Variants in DHX16 observed in about 807,000 individuals in gnomAD.
The protein encoded by DHX16 is pre-mRNA-splicing factor ATP-dependent RNA helicase DHX16.
DHX16 carries 81 observed loss-of-function variants against 131.2 expected under a neutral mutation model. That is an observed-to-expected ratio of 0.62 (90% CI 0.52 to 0.74). The LOEUF (loss-of-function observed/expected upper bound fraction) is 0.74. DHX16 is among the 30% of genes least tolerant of loss of function. The pLI, the probability that DHX16 is intolerant of heterozygous loss-of-function variation, is 0.00. For missense variants in DHX16, 980 were observed against 1,363.1 expected (o/e 0.72, Z 4.43); for synonymous variants, 440 against 520.2 (o/e 0.85, Z 2.10).
rs778720534 is a variant in DHX16 at position 30,656,586 on chromosome 6, A to G, written c.2311+11T>C. The G allele has an allele frequency of 8.1e-6, 13 of 1,614,166 alleles. No individual in the cohort carries two copies. The highest frequency in any genetic ancestry group is 1.7e-5 in the Admixed American group (1 of 60,024). ...CCAGCCCCTCCCTCCTCTCTCAGGT[A>G]GCCCAATCACCTAAGCTCTTGAGCA... On this transcript the variant is annotated intron_variant, in intron 14 of 19. Coordinates refer to ENST00000376442, the MANE Select transcript of DHX16 (RefSeq NM_003587.5). The surrounding 1 kb of genome is among the most constrained non-coding windows in gnomAD (Gnocchi z 5.1).
chr6:30,656,138 G>C lies in DHX16; in HGVS notation c.2498+60C>G. ...AAAAAGACAGACAAAGGGGACCCTGGAGACAGAGGAGGCCTGGCCTGTTTG... is the reference window on the plus strand; with the variant it reads ...AAAAAGACAGACAAAGGGGACCCTGCAGACAGAGGAGGCCTGGCCTGTTTG... On this transcript the variant is annotated intron_variant, in intron 16 of 19. Coordinates refer to ENST00000376442, the MANE Select transcript of DHX16 (RefSeq NM_003587.5). This position sits in a 1 kb window ranked among gnomAD's most constrained non-coding sequence, Gnocchi z 5.1. The C allele has an allele frequency of 6.6e-7, 1 of 1,512,250 alleles. No individual in the cohort carries two copies. Among genetic ancestry groups the C allele is most frequent in the Non-Finnish European group, 9.1e-7 (1 of 1,093,388 alleles). 93.7% of individuals were successfully genotyped at this position (1,512,250 alleles called of 1,614,324 possible).
In DHX16 at chr6:30,655,522, C is replaced by A; in HGVS notation, c.2574G>T (p.Lys858Asn). Residue 858 changes from lysine to asparagine, a missense_variant, in exon 17 of 20, where the codon AAG becomes AAT. By Grantham distance (94) the Lys-to-Asn change is moderately conservative. This residue lies in a region of DHX16 where 214 missense variants were observed against 271.2 expected (regional missense o/e 0.79). Transcript: ENST00000376442. ...SVNNSIFYRP[K>N]DKVVHADNAR... The stretch of plus-strand genomic sequence containing the variant: ...CATTGTCAGCATGGACGACCTTGTC[C>A]TTTGGTCGGTAGAAGATGGAGTTGT... 6.2e-7 allele frequency: 1 copy of A among 1,613,078 alleles called. No homozygotes were observed. Among genetic ancestry groups the A allele is most frequent in the Non-Finnish European group, 8.5e-7 (1 of 1,180,032 alleles).
chr6:30,657,578 G>A (rs1317377314), intron 12 of DHX16, among the ~76,000 whole-genome samples: 1 of 151,946 alleles, frequency 6.6e-6, no homozygotes, highest in Non-Finnish European at 1.5e-5. Context: ...TTAAAAGCCT[G>A]GATCACCTAC....
intron 12 of DHX16, among the ~76,000 whole-genome samples, chr6:30,657,456 C>A (rs907057956): frequency 6.6e-6 from 1 of 151,954 alleles, no homozygotes; most frequent in Non-Finnish European, 1.5e-5. Flanking sequence ...GCTTCTGCTC[C>A]TAGCCTCTGT....
At chr6:30,654,486 GTTGCAGTGAGGCTAGA>G (rs1262872229) in intron 19 of DHX16, among the ~76,000 whole-genome samples, 1 of 152,070 alleles carries the variant, frequency 6.6e-6, no homozygotes, top group African/African-American at 2.4e-5. Flanking sequence ...AGAGGCAGAG[GTTGCAGTGAGGCTAGA>G]TTGCGCCACT....
Position 30,664,936 on chromosome 6 carries a change from G to A in DHX16, c.1182C>T (p.Ala394=), listed in dbSNP as rs559315334. ...TQAQQKESIQ[A]VRRSLPVFPF... ...GGAACACCGGGAGGCTGCGGCGGACGGCCTGGATGGACTCTTTCTGCTGGG... is the reference window on the plus strand; with the variant it reads ...GGAACACCGGGAGGCTGCGGCGGACAGCCTGGATGGACTCTTTCTGCTGGG... Residue 394 remains alanine (A), a synonymous_variant, in exon 7 of 20, where the codon GCC becomes GCT. Transcript: ENST00000376442. 1.3e-5 allele frequency: 21 copies of A among 1,613,808 alleles called. No individual in the cohort carries two copies. The highest frequency in any genetic ancestry group is 2.2e-5 in the East Asian group (1 of 44,888).
Position 30,665,124 on chromosome 6 carries a change from C to G in DHX16, c.1072G>C (p.Glu358Gln). ...ACAAACTCAATGGTCTCCTCCTCCT[C>G]CAGCACCAGTTGATACTTGGGCTCC... ...SQEPKYQLVLEEEETIEFVRA... is the reference protein window; with the variant it reads ...SQEPKYQLVLQEEETIEFVRA... Residue 358 changes from glutamate (E) to glutamine (Q), a missense_variant, in exon 6 of 20, where the codon GAG becomes CAG. Physicochemically the swap from Glu to Gln is conservative, Grantham distance 29 (BLOSUM62 2). Around this residue, in one of 3 missense-constraint regions of DHX16, gnomAD observed 457 missense variants for 554.8 expected, o/e 0.82. Transcript: ENST00000376442. The surrounding 1 kb of genome is among the most constrained non-coding windows in gnomAD (Gnocchi z 4.8). The G allele has an allele frequency of 6.2e-7, 1 of 1,614,066 alleles. No homozygotes were observed.
chr6:30,667,284 C>A (rs960852551), intron 4 of DHX16, among the ~76,000 whole-genome samples: 1 of 152,020 alleles, frequency 6.6e-6, no homozygotes, highest in Non-Finnish European at 1.5e-5. Flanking sequence ...ATGACAGAAT[C>A]AAAAAATCAC....
Position 30,665,443 on chromosome 6 carries a change from G to A in DHX16, c.921+36C>T, listed in dbSNP as rs1561990791. The stretch of plus-strand genomic sequence containing the variant: ...GAAGCCTTCCCCACAACTTGTCTTG[G>A]GGACCAAGGCTGAAGCAGACGCCGC... On this transcript the variant is annotated intron_variant, in intron 5 of 19. Coordinates refer to ENST00000376442, the MANE Select transcript of DHX16 (RefSeq NM_003587.5). This position sits in a 1 kb window ranked among gnomAD's most constrained non-coding sequence, Gnocchi z 4.8. 6.3e-7 allele frequency: 1 copy of A among 1,597,618 alleles called. No homozygotes were observed. Among genetic ancestry groups the A allele is most frequent in the Admixed American group, 1.7e-5 (1 of 58,796 alleles).
intron 4 of DHX16, among the ~76,000 whole-genome samples, chr6:30,668,740 G>A (rs1769261046): frequency 6.6e-6 from 1 of 152,184 alleles, no homozygotes; most frequent in South Asian, 2.1e-4. Context: ...CCTAACCACA[G>A]TCAATTTCAG....
At chr6:30,653,496 A>G in intron 19 of DHX16, 126 bp from the exon 20 acceptor site, 2 of 1,102,354 alleles carry the variant, frequency 1.8e-6, no homozygotes, top group South Asian at 3.6e-5. Context: ...GCAGTGGCGT[A>G]TCATGGCTCA....
rs750290413 is a variant in DHX16 at position 30,655,211 on chromosome 6, G to A, written c.2787C>T (p.Leu929=). 1.2e-6 allele frequency: 2 copies of A among 1,614,186 alleles called. No homozygotes were observed. The highest frequency in any genetic ancestry group is 1.1e-5 in the South Asian group (1 of 91,086). The part of the protein sequence containing the change: ...EGLLERVEVG[L]SSCQGDYIRV... ...GGATATAGTCCCCCTGGCAGGAACT[G>A]AGACCAACTTCCACACGTTCCAAGA... The change falls in exon 18 of 20, where the codon CTC becomes CTT. Residue 929 remains leucine (L), a synonymous_variant. Transcript: ENST00000376442.
intron 4 of DHX16, among the ~76,000 whole-genome samples, chr6:30,668,980 C>T (rs995755160): frequency 6.6e-6 from 1 of 152,000 alleles, no homozygotes; most frequent in Non-Finnish European, 1.5e-5. Context: ...TGGCTCATGC[C>T]TGTAATCCCA....
intron 18 of DHX16, 143 bp from the exon 19 acceptor site, chr6:30,655,022 T>C (rs1409830596): frequency 2.2e-6 from 3 of 1,389,726 alleles, no homozygotes; most frequent in Non-Finnish European, 2.0e-6. Flanking sequence ...GAACCTTCAG[T>C]GGTCTGGGGA....
rs1768266900 is a variant in DHX16, at chr6:30,659,401, C to A, written c.2007+71G>T. The A allele has an allele frequency of 4.7e-6, 7 of 1,495,916 alleles. No individual in the cohort carries two copies. In the Admixed American group the frequency reaches 6.0e-5, roughly 13 times the overall value. The allele number at this position is 1,495,916 out of a possible 1,614,324, so 92.7% of individuals were successfully genotyped here. A position where few individuals can be genotyped will look rare whatever the true frequency, so the allele number is the denominator to read the frequency against. ...TGCGCAGGACTCACCTTGCATGGGG[C>A]AGGCACACAGCTTTTTCACTACTAG... On this transcript the variant is annotated intron_variant, in intron 12 of 19. Coordinates refer to ENST00000376442, the MANE Select transcript of DHX16 (RefSeq NM_003587.5).
chr6:30,672,746 AC>A lies in DHX16; in HGVS notation c.95del (p.Gly32ValfsTer33). On this transcript the variant is annotated frameshift_variant, in exon 1 of 20. Transcript: ENST00000376442. LOFTEE classifies it high-confidence loss of function. ...SERHVAQFLI[G>X]TAQRCTSAEE... ...CGGCAGAGGTGCAGCGCTGTGCGGT[AC>A]CGATCAGAAACTGGGCGACGTGCCG... is the stretch of plus-strand genomic sequence containing the variant. 1 of 1,612,938 alleles carries A rather than the reference AC, an allele frequency of 6.2e-7. No individual in the cohort carries two copies. The highest frequency in any genetic ancestry group is 8.5e-7 in the Non-Finnish European group (1 of 1,179,982).
rs752504226 is a variant in DHX16, at chr6:30,662,889, C to A, written c.1428+22G>T. On this transcript the variant is annotated intron_variant, in intron 8 of 19. Transcript: ENST00000376442. The surrounding 1 kb of genome is among the most constrained non-coding windows in gnomAD (Gnocchi z 4.7). Reference sequence around the variant, plus strand: ...GAGTCACAGACCCCAGACTCTACCCCCCGGTTCCCTAGAAATCTCACCTCA... The same window carrying A: ...GAGTCACAGACCCCAGACTCTACCCACCGGTTCCCTAGAAATCTCACCTCA... 4 of 1,608,256 alleles carry A rather than the reference C, an allele frequency of 2.5e-6. No homozygotes were observed. Among genetic ancestry groups the A allele is most frequent in the Admixed American group, 1.7e-5 (1 of 59,980 alleles).
chr6:30,655,927 G>C, intron 16 of DHX16, among the ~76,000 whole-genome samples: 1 of 152,140 alleles, frequency 6.6e-6, no homozygotes, highest in Non-Finnish European at 1.5e-5. Flanking sequence ...GCATTTAAAG[G>C]TCATCCCTCC....
Position 30,670,416 on chromosome 6 carries a change from C to T in DHX16, c.660G>A (p.Lys220=), listed in dbSNP as rs1160118941. ...KRLKMAEEDR[K]AMVPELRKKS... ...CCTAGGCCCTGGGACTCACCATGGC[C>T]TTCCGGTCTTCCTCGGCCATCTTGA... Residue 220 remains lysine, a synonymous_variant, in exon 4 of 20, where the codon AAG becomes AAA. Transcript: ENST00000376442. This position sits in a 1 kb window ranked among gnomAD's most constrained non-coding sequence, Gnocchi z 4.4. The T allele has an allele frequency of 6.2e-7, 1 of 1,609,978 alleles. No individual in the cohort carries two copies. Among genetic ancestry groups the T allele is most frequent in the Non-Finnish European group, 8.5e-7 (1 of 1,178,440 alleles).
Sources: gnomAD v4.1 joint callset for allele counts (sites outside exome capture counted in the v4.1 genomes callset) on GRCh38, gnomAD v4.1.1 for gene constraint, gnomAD v4.1.1 regional missense constraint, Gnocchi (gnomAD v3.1) non-coding constraint, MANE v1.5 for transcripts, NCBI Gene and HGNC (gene_info 2026-07-23, HGNC 2026-07-21) for gene names.